EGFR: variants seen among roughly 807,000 people sequenced by gnomAD.
The protein encoded by EGFR is avian erythroblastic leukemia viral (v-erb-b) oncogene homolog.
In EGFR, 58 loss-of-function variants were observed where a neutral mutation model predicts 143.0. The ratio of observed to expected loss-of-function variants is 0.41; its 90% CI spans 0.33 to 0.50. The LOEUF (loss-of-function observed/expected upper bound fraction) is 0.50. EGFR is among the 20% of genes least tolerant of loss of function. EGFR has a pLI of 0.39. For missense variants in EGFR, 1,307 were observed against 1,579.0 expected (o/e 0.83, Z 2.92); for synonymous variants, 613 against 594.4 (o/e 1.03, Z -0.45).
intron 1 of EGFR, among the ~76,000 whole-genome samples, chr7:55,109,178 A>G (rs1403181467): frequency 1.3e-5 from 2 of 152,222 alleles, no homozygotes; most frequent in Non-Finnish European, 2.9e-5. Flanking sequence ...AAATAGATTA[A>G]TGTGCACAGA....
At chr7:55,192,643 G>A (rs144690952) in intron 21 of EGFR, 123 bp from the exon 22 acceptor site, 319 of 866,444 alleles carry the variant, frequency 3.7e-4, no homozygotes, top group African/African-American at 2.9e-3. Context: ...CCTGGGGGAC[G>A]GGTCCTGGGG....
chr7:55,119,626 C>T (rs916154532), intron 1 of EGFR, among the ~76,000 whole-genome samples: 19 of 152,202 alleles, frequency 1.2e-4, no homozygotes, highest in Middle Eastern at 3.2e-3. Context: ...CCAAGGATCC[C>T]TTTGTAGCTA....
intron 1 of EGFR, among the ~76,000 whole-genome samples, chr7:55,122,310 C>A (rs1346377141): frequency 1.3e-5 from 2 of 152,214 alleles, no homozygotes; most frequent in African/African-American, 2.4e-5. Flanking sequence ...GTCCAGTCTG[C>A]ATGACACAGC....
intron 1 of EGFR, among the ~76,000 whole-genome samples, chr7:55,057,296 T>C (rs1164660953): frequency 6.6e-6 from 1 of 152,200 alleles, no homozygotes; most frequent in Non-Finnish European, 1.5e-5. Flanking sequence ...GGACGGGCAG[T>C]TGTGAGTAAT....
At chr7:55,194,226 CT>C (rs56129716) in intron 22 of EGFR, among the ~76,000 whole-genome samples, 39,011 of 132,696 alleles carry the variant, frequency 0.29, 5,507 homozygotes, top group Non-Finnish European at 0.36. Context: ...TATTTTTTAA[CT>C]TTTTTTTTTT....
intron 1 of EGFR, among the ~76,000 whole-genome samples, chr7:55,062,408 G>A (rs910886980): frequency 2.1e-4 from 32 of 152,068 alleles, no homozygotes; most frequent in South Asian, 4.2e-4. Context: ...GAGGACTCCC[G>A]ACCCCCATGT....
In EGFR at chr7:55,156,649, G is replaced by A. The variant is rs2128938443; in HGVS notation, c.1123G>A (p.Ala375Thr). 6.2e-7 allele frequency: 1 copy of A among 1,614,216 alleles called. No individual in the cohort carries two copies. The highest frequency in any genetic ancestry group is 1.3e-5 in the African/African-American group (1 of 75,052). Residue 375 changes from alanine (A) to threonine (T), a missense_variant, in exon 9 of 28, where the codon GCA becomes ACA. Around this residue, in one of 7 missense-constraint regions of EGFR, gnomAD observed 15 missense variants for 46.5 expected, o/e 0.32. Transcript: ENST00000275493. ...ISGDLHILPV[A>T]FRGDSFTHTP... ...TGGCGATCTCCACATCCTGCCGGTGGCATTTAGGGGGTGAGTCACAGGTTC... is the reference window on the plus strand; with the variant it reads ...TGGCGATCTCCACATCCTGCCGGTGACATTTAGGGGGTGAGTCACAGGTTC...
chr7:55,195,518 T>A (rs1243058046), intron 22 of EGFR, among the ~76,000 whole-genome samples: 1 of 152,232 alleles, frequency 6.6e-6, no homozygotes, highest in Non-Finnish European at 1.5e-5. Flanking sequence ...TACCTGACAT[T>A]TTTTTAACTT....
rs1333520499 is a variant in EGFR at position 55,208,379 on chromosome 7, A to G, written c.*2762A>G. The stretch of plus-strand genomic sequence containing the variant: ...CTTCCTGATTGATAGCCTGGCCTTA[A>G]TACCCTACAGAAAGCCTGTCCATTG... On this transcript the variant is annotated 3_prime_UTR_variant, in exon 28 of 28. Transcript: ENST00000275493. The G allele has an allele frequency of 1.3e-5, 2 of 152,192 alleles. No homozygotes were observed. Among genetic ancestry groups the G allele is most frequent in the African/African-American group, 2.4e-5 (1 of 41,430 alleles). 9.4% of individuals were successfully genotyped at this position (152,192 alleles called of 1,614,324 possible).
At chr7:55,074,758 G>A (rs1790040505) in intron 1 of EGFR, among the ~76,000 whole-genome samples, 1 of 152,128 alleles carries the variant, frequency 6.6e-6, no homozygotes, top group African/African-American at 2.4e-5. Context: ...AAATCAATTA[G>A]GTGGCAAAGA....
Position 55,191,793 on chromosome 7 carries a change from G to T in EGFR, c.2544G>T (p.Pro848=), listed in dbSNP as rs104886012. The change falls in exon 21 of 28, where the codon CCG becomes CCT. Residue 848 remains proline, a synonymous_variant. Coordinates refer to ENST00000275493, the MANE Select transcript of EGFR (RefSeq NM_005228.5). The part of the protein sequence containing the change: ...LAARNVLVKT[P]QHVKITDFGL... ...CCAGGAACGTACTGGTGAAAACACC[G>T]CAGCATGTCAAGATCACAGATTTTG... 3 of 1,613,954 alleles carry T rather than the reference G, an allele frequency of 1.9e-6. No individual in the cohort carries two copies. The highest frequency in any genetic ancestry group is 2.7e-5 in the African/African-American group (2 of 74,896).
chr7:55,099,469 G>A (rs1015274763), intron 1 of EGFR, among the ~76,000 whole-genome samples: 1 of 152,226 alleles, frequency 6.6e-6, no homozygotes, highest in Admixed American at 6.5e-5. Context: ...TCTATGAAAA[G>A]GTGAAATCAT....
chr7:55,053,401 T>C (rs995833060), intron 1 of EGFR, among the ~76,000 whole-genome samples: 3 of 152,202 alleles, frequency 2.0e-5, no homozygotes, highest in Non-Finnish European at 4.4e-5. Flanking sequence ...GGGCCTGGTC[T>C]AAGCCAGGGA....
At chr7:55,104,105 A>G (rs550647796) in intron 1 of EGFR, among the ~76,000 whole-genome samples, 3 of 152,350 alleles carry the variant, frequency 2.0e-5, no homozygotes, top group African/African-American at 7.2e-5. Context: ...GTTGGGCAGC[A>G]CTGAGTAGGA....
chr7:55,209,453 T>G lies in EGFR; in HGVS notation c.*3836T>G, dbSNP rs966653311. On this transcript the variant is annotated 3_prime_UTR_variant, in exon 28 of 28. Coordinates refer to ENST00000275493, the MANE Select transcript of EGFR (RefSeq NM_005228.5). ...TGAAAACGCCCTGGGACCCTCTGCATTCTCTAAGTAAGTTATAGAAACCAG... is the reference window on the plus strand; with the variant it reads ...TGAAAACGCCCTGGGACCCTCTGCAGTCTCTAAGTAAGTTATAGAAACCAG... The G allele has an allele frequency of 3.9e-5, 6 of 152,244 alleles. No individual in the cohort carries two copies. Among genetic ancestry groups the G allele is most frequent in the Admixed American group, 3.9e-4 (6 of 15,280 alleles). 9.4% of individuals were successfully genotyped at this position (152,244 alleles called of 1,614,324 possible).
chr7:55,166,297 T>C (rs1413786609), intron 15 of EGFR: 1 of 576,548 alleles, frequency 1.7e-6, no homozygotes, highest in Non-Finnish European at 3.4e-6. Context: ...AGCTGTCATA[T>C]AGTAGTTCAC....
intron 15 of EGFR, among the ~76,000 whole-genome samples, chr7:55,166,076 G>A (rs1426780536): frequency 1.4e-4 from 21 of 151,960 alleles, no homozygotes; most frequent in Admixed American, 3.3e-4. Flanking sequence ...GCTTGAACCC[G>A]GGAGGCAGAG....
At position 55,059,864 on chromosome 7, in the gene EGFR, G is replaced by A. The variant is rs555255630; in HGVS notation, c.88+40499G>A. 1.5e-4 allele frequency among the ~76,000 whole-genome samples: 23 copies of A among 152,246 alleles called. No individual in the cohort carries two copies. In the South Asian group the frequency reaches 4.2e-3, roughly 28 times the overall value. ...TTATAAGAAAGCAGTCATTCTCACCGAGATGTGCTGAGCAGATACTGGACA... is the reference window on the plus strand; with the variant it reads ...TTATAAGAAAGCAGTCATTCTCACCAAGATGTGCTGAGCAGATACTGGACA... On this transcript the variant is annotated intron_variant, in intron 1 of 27. Coordinates refer to ENST00000275493, the MANE Select transcript of EGFR (RefSeq NM_005228.5).
At chr7:55,124,212 C>T (rs902776505) in intron 1 of EGFR, among the ~76,000 whole-genome samples, 1 of 152,100 alleles carries the variant, frequency 6.6e-6, no homozygotes, top group African/African-American at 2.4e-5. Context: ...AGAAAATGTC[C>T]CTATGACATT....
Sources: gnomAD v4.1 joint callset for allele counts (sites outside exome capture counted in the v4.1 genomes callset) on GRCh38, gnomAD v4.1.1 for gene constraint, gnomAD v4.1.1 regional missense constraint, MANE v1.5 for transcripts, NCBI Gene and HGNC (gene_info 2026-07-23, HGNC 2026-07-21) for gene names.